PRKN: variants seen among roughly 807,000 people sequenced by gnomAD.
The protein encoded by PRKN is E3 ubiquitin-protein ligase parkin.
Under a neutral mutation model 59.5 loss-of-function variants are expected in PRKN, and 56 were observed. The observed-to-expected ratio is 0.94, with a 90% CI of 0.76 to 1.18. The LOEUF is 1.18. Ranked by LOEUF, PRKN falls within the 50% of genes most tolerant of loss-of-function variation. The pLI is 0.00. For missense variants in PRKN, 657 were observed against 596.4 expected (o/e 1.10, Z -1.06); for synonymous variants, 250 against 222.1 (o/e 1.13, Z -1.12).
intron 4 of PRKN, among the ~76,000 whole-genome samples, chr6:162,149,350 T>A (rs1039693813): frequency 3.3e-5 from 5 of 152,088 alleles, no homozygotes; most frequent in African/African-American, 4.8e-5. Context: ...GTTCAAGTGA[T>A]TCTCATGCCT....
chr6:162,598,628 G>A (rs951803304), intron 1 of PRKN, among the ~76,000 whole-genome samples: 10 of 152,146 alleles, frequency 6.6e-5, no homozygotes, highest in Admixed American at 3.9e-4. Context: ...CGAGGCGGGC[G>A]GATAACCTGA....
intron 5 of PRKN, among the ~76,000 whole-genome samples, chr6:162,047,170 A>T (rs912442564): frequency 5.3e-5 from 8 of 152,178 alleles, no homozygotes; most frequent in African/African-American, 1.9e-4. Flanking sequence ...GGACCAACGT[A>T]AGGGCAGGCA....
intron 7 of PRKN, among the ~76,000 whole-genome samples, chr6:161,717,814 C>T (rs1787048753): frequency 6.6e-6 from 1 of 152,138 alleles, no homozygotes; most frequent in Non-Finnish European, 1.5e-5. Context: ...GGACTTGGAT[C>T]CTGCCTGAGA....
intron 2 of PRKN, among the ~76,000 whole-genome samples, chr6:162,425,589 T>C (rs1457838709): frequency 2.0e-5 from 3 of 152,180 alleles, no homozygotes; most frequent in African/African-American, 7.2e-5. Context: ...GAAATATCCA[T>C]TCTTTGAATG....
At chr6:161,730,600 TTTCTGATACATCACA>T (rs1236699324) in intron 7 of PRKN, among the ~76,000 whole-genome samples, 17 of 145,052 alleles carry the variant, frequency 1.2e-4, no homozygotes, top group African/African-American at 4.6e-4. Context: ...TGTTGCATTC[TTTCTGATACATCACA>T]TTCTGATGTG....
intron 5 of PRKN, among the ~76,000 whole-genome samples, chr6:162,034,516 T>G (rs999770267): frequency 3.3e-5 from 5 of 152,156 alleles, no homozygotes; most frequent in Admixed American, 1.3e-4. Context: ...CTATCTGTTT[T>G]TGCATAAAGT....
intron 2 of PRKN, among the ~76,000 whole-genome samples, chr6:162,288,015 G>C (rs973116204): frequency 1.3e-5 from 2 of 152,122 alleles, no homozygotes; most frequent in African/African-American, 2.4e-5. Flanking sequence ...AAATGCCTCA[G>C]GTTCTGTCTT....
rs986412392 is a variant in PRKN at position 162,220,460 on chromosome 6, A to T, written c.413-19208T>A. On this transcript the variant is annotated intron_variant, in intron 3 of 11. Transcript: ENST00000366898. ...CAAGGCCAGAGTTCATGGGGGAAAA[A>T]TTTTCAACATAAACGTAAAAGAGTG... Among the ~76,000 whole-genome samples, 8 of 152,122 alleles carry T rather than the reference A, an allele frequency of 5.3e-5. No individual in the cohort carries two copies. The East Asian group carries it at 7.7e-4, about 15-fold the overall frequency.
At chr6:162,186,740 GT>G (rs773657424) in intron 4 of PRKN, among the ~76,000 whole-genome samples, 16 of 152,152 alleles carry the variant, frequency 1.1e-4, no homozygotes, top group African/African-American at 3.6e-4. Context: ...CACAAGATCC[GT>G]TTGTTTAAAA....
intron 10 of PRKN, among the ~76,000 whole-genome samples, chr6:161,374,578 G>A (rs1388646546): frequency 0.011 from 17 of 1,538 alleles, no homozygotes; most frequent in East Asian, 0.02. Flanking sequence ...TGTGTAATGG[G>A]TGTGTGGTGC....
chr6:162,193,305 G>C (rs1431703356), intron 4 of PRKN, among the ~76,000 whole-genome samples: 1 of 152,142 alleles, frequency 6.6e-6, no homozygotes, highest in Non-Finnish European at 1.5e-5. Flanking sequence ...ACAACGAATT[G>C]GCTAAAATTG....
At chr6:162,050,245 T>C (rs2128284355) in intron 5 of PRKN, among the ~76,000 whole-genome samples, 1 of 152,298 alleles carries the variant, frequency 6.6e-6, no homozygotes, top group African/African-American at 2.4e-5. Flanking sequence ...GATTATTACT[T>C]TCCATTCTTT....
chr6:161,517,059 C>T (rs370064432), intron 9 of PRKN, among the ~76,000 whole-genome samples: 10 of 152,212 alleles, frequency 6.6e-5, no homozygotes, highest in African/African-American at 2.4e-4. Flanking sequence ...TTGATTTCAA[C>T]TTACGATGGA....
Position 161,361,597 on chromosome 6 carries a change from G to GTA in PRKN, c.1168-1394_1168-1393dup, listed in dbSNP as rs1784977479. On this transcript the variant is annotated intron_variant, in intron 10 of 11. Coordinates refer to ENST00000366898, the MANE Select transcript of PRKN (RefSeq NM_004562.3). The surrounding 1 kb of genome is among the most constrained non-coding windows in gnomAD (Gnocchi z 5.2). ...GTGAAATGGGCAGGGCACATGGGTG[G>GTA]TATCCCTGACAGTGGTGGGGGCACC... Among the ~76,000 whole-genome samples the GTA allele has an allele frequency of 6.6e-6, 1 of 152,210 alleles. No homozygotes were observed. The highest frequency in any genetic ancestry group is 2.4e-5 in the African/African-American group (1 of 41,452).
chr6:162,443,853 C>A (rs552875331), intron 1 of PRKN, among the ~76,000 whole-genome samples: 5 of 152,146 alleles, frequency 3.3e-5, no homozygotes, highest in South Asian at 2.1e-4. Context: ...TCCACAGTGA[C>A]CCTCTTAATA....
At chr6:162,661,164 G>C (rs1778859425) in intron 1 of PRKN, among the ~76,000 whole-genome samples, 1 of 152,068 alleles carries the variant, frequency 6.6e-6, no homozygotes, top group African/African-American at 2.4e-5. Context: ...AGGAGGCTGA[G>C]GCAGGAGAAT....
chr6:162,311,620 C>T (rs370395414), intron 2 of PRKN, among the ~76,000 whole-genome samples: 5 of 151,450 alleles, frequency 3.3e-5, no homozygotes, highest in African/African-American at 1.2e-4. Flanking sequence ...ATAGCTGGGA[C>T]TACAGGTGCG....
At chr6:162,006,269 A>T (rs1782249800) in intron 5 of PRKN, among the ~76,000 whole-genome samples, 1 of 152,136 alleles carries the variant, frequency 6.6e-6, no homozygotes, top group Non-Finnish European at 1.5e-5. Flanking sequence ...TTCAATTTCC[A>T]TTCAATTTAA....
intron 10 of PRKN, among the ~76,000 whole-genome samples, chr6:161,383,369 T>C (rs1002023789): frequency 6.6e-6 from 1 of 152,228 alleles, no homozygotes; most frequent in African/African-American, 2.4e-5. Flanking sequence ...GTAAATTCGC[T>C]CATAGAGAAG....
Sources: gnomAD v4.1 joint callset for allele counts (sites outside exome capture counted in the v4.1 genomes callset) on GRCh38, gnomAD v4.1.1 for gene constraint, Gnocchi (gnomAD v3.1) non-coding constraint, MANE v1.5 for transcripts, NCBI Gene and HGNC (gene_info 2026-07-23, HGNC 2026-07-21) for gene names.